ZRANB2: variants seen among roughly 807,000 people sequenced by gnomAD.
ZRANB2 encodes the protein zinc finger Ran-binding domain-containing protein 2.
In ZRANB2, 19 loss-of-function variants were observed where a neutral mutation model predicts 53.4. That is an observed-to-expected ratio of 0.36 (90% CI 0.25 to 0.52). The LOEUF is 0.52. Among genes scored for constraint, ZRANB2 ranks in the 20% least tolerant of loss-of-function variants. The pLI is 0.93. For synonymous variants in ZRANB2, 145 were observed against 134.8 expected (o/e 1.08, Z -0.52); for missense variants, 309 against 401.1 (o/e 0.77, Z 1.96).
chr1:71,075,846 G>C (rs1210882626), intron 4 of ZRANB2, among the ~76,000 whole-genome samples: 2 of 151,760 alleles, frequency 1.3e-5, no homozygotes, highest in Non-Finnish European at 2.9e-5. Flanking sequence ...CTGGGGAAGG[G>C]GGGATCAAGG....
At position 71,064,478 on chromosome 1, in the gene ZRANB2, G is replaced by C. The variant is rs1661375976; in HGVS notation, c.*596C>G. On this transcript the variant is annotated 3_prime_UTR_variant, in exon 10 of 10. Transcript: ENST00000370920. ...ACTTCTCTCCTTGTAGACATCACAA[G>C]ATTCTTTTGCATTAAATGTGGAGCA... 1 of 152,456 alleles carries C rather than the reference G, an allele frequency of 6.6e-6. No individual in the cohort carries two copies. Among genetic ancestry groups the C allele is most frequent in the South Asian group, 2.1e-4 (1 of 4,834 alleles). 9.4% of individuals were successfully genotyped at this position (152,456 alleles called of 1,614,324 possible).
chr1:71,075,459 T>C (rs753584790), intron 4 of ZRANB2, among the ~76,000 whole-genome samples: 1 of 152,168 alleles, frequency 6.6e-6, no homozygotes. Flanking sequence ...CATGGCAATG[T>C]TGAATAGGCA....
rs1197199127 is a variant in ZRANB2 at position 71,064,783 on chromosome 1, A to G, written c.*291T>C. 4.5e-6 allele frequency: 1 copy of G among 224,134 alleles called. No individual in the cohort carries two copies. The highest frequency in any genetic ancestry group is 8.8e-6 in the Non-Finnish European group (1 of 114,136). 13.9% of individuals were successfully genotyped at this position (224,134 alleles called of 1,614,324 possible). A position where few individuals can be genotyped will look rare whatever the true frequency, so the allele number is the denominator to read the frequency against. On this transcript the variant is annotated 3_prime_UTR_variant, in exon 10 of 10. Transcript: ENST00000370920. ...ACAGGATGTATTTGGAAATGACAAA[A>G]ATGGGTTTAAATTAGGAAGCAAAGT...
At chr1:71,068,462 T>C (rs1292224524) in intron 8 of ZRANB2, among the ~76,000 whole-genome samples, 1 of 152,222 alleles carries the variant, frequency 6.6e-6, no homozygotes, top group Non-Finnish European at 1.5e-5. Flanking sequence ...TATGTTTCCC[T>C]CTACAGATGT....
intron 9 of ZRANB2, chr1:71,065,808 T>A: frequency 6.3e-7 from 1 of 1,598,478 alleles, no homozygotes; most frequent in South Asian, 1.1e-5. Context: ...CTAGGGGGAT[T>A]ATATGTGGCT....
At chr1:71,072,401 T>G in intron 5 of ZRANB2, 71 bp downstream of exon 5, 1 of 1,510,634 alleles carries the variant, frequency 6.6e-7, no homozygotes, top group South Asian at 1.2e-5. Context: ...AAAGTTTGTT[T>G]TCCTTTGCAT....
In ZRANB2 at chr1:71,070,851, G is replaced by A. The variant is rs1363284106; in HGVS notation, c.659C>T (p.Pro220Leu). ...CCTGGACCTAGACCTTGAACTTGAG[G>A]GGGAGGATGAGCGTGATGAAGATCG... is the stretch of plus-strand genomic sequence containing the variant. ...HSRSSSRSSS[P>L]SSSRSRSRSR... Residue 220 changes from proline (P) to leucine (L), a missense_variant, in exon 7 of 10, where the codon CCC (proline) becomes CTC (leucine). Transcript: ENST00000370920. 1.2e-6 allele frequency: 2 copies of A among 1,601,318 alleles called. No individual in the cohort carries two copies. The highest frequency in any genetic ancestry group is 2.2e-5 in the East Asian group (1 of 44,602).
chr1:71,066,721 TTATC>T, intron 9 of ZRANB2, 51 bp downstream of exon 9: 1 of 1,537,616 alleles, frequency 6.5e-7, no homozygotes, highest in Non-Finnish European at 8.8e-7. Flanking sequence ...AAAGTTTACT[TTATC>T]TATTAAACAC....
chr1:71,078,486 T>C lies in ZRANB2; in HGVS notation c.189A>G (p.Leu63=), dbSNP rs1456814083. Residue 63 remains leucine, a synonymous_variant, in exon 3 of 10, where the codon CTA becomes CTG. Transcript: ENST00000370920. ...TACATTGCCAGTCATTAGCACTAAA[T>C]AGGCCTCGGCTCTTTTCTGCAAGTG... ...GKTLAEKSRG[L]FSANDWQCKT... is the part of the protein sequence containing the mutation. 3.1e-6 allele frequency: 5 copies of C among 1,613,948 alleles called. No individual in the cohort carries two copies. Among genetic ancestry groups the C allele is most frequent in the South Asian group, 1.1e-5 (1 of 91,080 alleles).
In ZRANB2 at chr1:71,066,882, A is replaced by T. The variant is rs748594728; in HGVS notation, c.823T>A (p.Ser275Thr). 1.9e-6 allele frequency: 3 copies of T among 1,607,082 alleles called. No homozygotes were observed. Among genetic ancestry groups the T allele is most frequent in the Non-Finnish European group, 8.5e-7 (1 of 1,177,106 alleles). ...GSSSPRKRSY[S>T]SSSSSPERNR... ...CTCTCAGGAGAAGATGATGAACTTG[A>T]ATAAGATCTTTTTCGTGGGGAAGAA... Residue 275 changes from serine to threonine, a missense_variant, in exon 9 of 10, where the codon TCA becomes ACA. Ser to Thr is a moderately conservative substitution (Grantham distance 58). Transcript: ENST00000370920.
rs541112752 is a variant in ZRANB2, at chr1:71,072,385, TAAAAA to T, written c.378+82_378+86del. On this transcript the variant is annotated intron_variant, in intron 5 of 9. Coordinates refer to ENST00000370920, the MANE Select transcript of ZRANB2 (RefSeq NM_203350.3). ...AGTTGCTGAAGACTCAAATTGCACTTAAAAAAAAGTTTGTTTTCCTTTGCATTTAA... is the reference window on the plus strand; with the variant it reads ...AGTTGCTGAAGACTCAAATTGCACTTAAAGTTTGTTTTCCTTTGCATTTAA... 2.8e-5 allele frequency: 41 copies of T among 1,465,706 alleles called. No homozygotes were observed. In the East Asian group the frequency reaches 5.1e-4, roughly 18 times the overall value. 90.8% of individuals were successfully genotyped at this position (1,465,706 alleles called of 1,614,324 possible). A position where few individuals can be genotyped will look rare whatever the true frequency, so the allele number is the denominator to read the frequency against.
At chr1:71,074,932 T>C (rs777486175) in intron 4 of ZRANB2, among the ~76,000 whole-genome samples, 1 of 152,060 alleles carries the variant, frequency 6.6e-6, no homozygotes, top group Non-Finnish European at 1.5e-5. Flanking sequence ...AGACAAATAC[T>C]TGTAGCAAGG....
At chr1:71,076,681 A>C (rs2101050821) in intron 4 of ZRANB2, 114 bp downstream of exon 4, 1 of 777,072 alleles carries the variant, frequency 1.3e-6, no homozygotes, top group Admixed American at 2.8e-5. Context: ...CATTCAGGGC[A>C]GAATAAACAG....
chr1:71,067,047 T>G (rs1420001528), intron 8 of ZRANB2, 113 bp from the exon 9 acceptor site: 1 of 1,084,834 alleles, frequency 9.2e-7, no homozygotes, highest in African/African-American at 1.6e-5. Flanking sequence ...CTATGAAAAT[T>G]TTATAAGGAA....
At position 71,079,921 on chromosome 1, in the gene ZRANB2, C is replaced by T. The variant is rs148611391; in HGVS notation, c.56+1019G>A. ...TTCAGGTCATCTTAATATCAAATTA[C>T]TATCAATAGCCACCAATTAGAATTT... On this transcript the variant is annotated intron_variant, in intron 1 of 9. Coordinates refer to ENST00000370920, the MANE Select transcript of ZRANB2 (RefSeq NM_203350.3). Among the ~76,000 whole-genome samples the T allele has an allele frequency of 1.7e-3, 252 of 152,178 alleles. 4 individuals are homozygous for T. The East Asian group carries it at 0.041, about 25-fold the overall frequency.
Position 71,080,951 on chromosome 1 carries a change from G to A in ZRANB2, c.45C>T (p.Cys15=), listed in dbSNP as rs373288961. 4.3e-6 allele frequency: 7 copies of A among 1,613,952 alleles called. No individual in the cohort carries two copies. The highest frequency in any genetic ancestry group is 5.9e-6 in the Non-Finnish European group (7 of 1,180,012). Residue 15 remains cysteine (C), a synonymous_variant, in exon 1 of 10, where the codon TGC becomes TGT. Transcript: ENST00000370920. Reference sequence around the variant, plus strand: ...CTTCTTGAACTCACTTTTTGTCAGGGCAAATCCAGTCCCCGTCACTGACTC... The same window carrying A: ...CTTCTTGAACTCACTTTTTGTCAGGACAAATCCAGTCCCCGTCACTGACTC... ...NFRVSDGDWI[C]PDKKCGNVNF... is the part of the protein sequence containing the mutation.
rs575216301 is a variant in ZRANB2 at position 71,071,994 on chromosome 1, A to C, written c.513+127T>G. 5.0e-6 allele frequency: 7 copies of C among 1,396,368 alleles called. No homozygotes were observed. In the East Asian group the frequency reaches 1.2e-4, roughly 24 times the overall value. 86.5% of individuals were successfully genotyped at this position (1,396,368 alleles called of 1,614,324 possible). A position where few individuals can be genotyped will look rare whatever the true frequency, so the allele number is the denominator to read the frequency against. ...AGTACTTGGCAGAGTGGAAATCCAA[A>C]ACCTTTGTGAGAACAAATGAAAACA... On this transcript the variant is annotated intron_variant, in intron 6 of 9. Coordinates refer to ENST00000370920, the MANE Select transcript of ZRANB2 (RefSeq NM_203350.3).
At position 71,065,034 on chromosome 1, in the gene ZRANB2, G is replaced by A. The variant is rs1661388685; in HGVS notation, c.*40C>T. On this transcript the variant is annotated 3_prime_UTR_variant, in exon 10 of 10. Transcript: ENST00000370920. ...CAACTTCTTTAAAAATATGCTTCAT[G>A]CACTGTACTGGATTTTTTTAAGATG... The A allele has an allele frequency of 6.9e-7, 1 of 1,441,726 alleles. No individual in the cohort carries two copies. Among genetic ancestry groups the A allele is most frequent in the Non-Finnish European group, 9.7e-7 (1 of 1,033,996 alleles). The allele number at this position is 1,441,726 out of a possible 1,614,324, so 89.3% of individuals were successfully genotyped here.
chr1:71,069,366 G>C lies in ZRANB2; in HGVS notation c.684-4C>G. 6.2e-7 allele frequency: 1 copy of C among 1,611,178 alleles called. No homozygotes were observed. Among genetic ancestry groups the C allele is most frequent in the Non-Finnish European group, 8.5e-7 (1 of 1,178,566 alleles). On this transcript the variant is annotated splice_polypyrimidine_tract_variant and splice_region_variant and intron_variant, in intron 7 of 9. Transcript: ENST00000370920. ...GGAAGAACTTCTTGAACGGGACCTGGAACAACATGGAACGATTTTTTTTTT... is the reference window on the plus strand; with the variant it reads ...GGAAGAACTTCTTGAACGGGACCTGCAACAACATGGAACGATTTTTTTTTT...
Sources: gnomAD v4.1 joint callset for allele counts (sites outside exome capture counted in the v4.1 genomes callset) on GRCh38, gnomAD v4.1.1 for gene constraint, MANE v1.5 for transcripts, NCBI Gene and HGNC (gene_info 2026-07-23, HGNC 2026-07-21) for gene names.